The following TBC1D19 variants were observed in gnomAD, a reference collection of about 807,000 sequenced individuals.
The protein encoded by TBC1D19 is TBC1 domain family, member 19.
TBC1D19 carries 60 observed loss-of-function variants against 89.0 expected under a neutral mutation model. The ratio of observed to expected loss-of-function variants is 0.67; its 90% confidence interval spans 0.55 to 0.84. TBC1D19 has a LOEUF of 0.84. Ranked by LOEUF, TBC1D19 falls within the 40% of genes least tolerant of loss-of-function variation. The pLI, the probability that TBC1D19 is intolerant of heterozygous loss-of-function variation, is 0.00. For missense variants in TBC1D19, 500 were observed against 610.8 expected, an observed-to-expected ratio of 0.82 and a Z score of 1.91; for synonymous variants, 189 against 199.7, an observed-to-expected ratio of 0.95 and a Z score of 0.45.
In TBC1D19 at chr4:26,659,670, T is replaced by C. The variant is rs757750941; in HGVS notation, c.554T>C (p.Ile185Thr). 1 of 1,592,714 alleles carries C rather than the reference T, an allele frequency of 6.3e-7. No homozygotes were observed. Among genetic ancestry groups the C allele is most frequent in the Non-Finnish European group, 8.6e-7 (1 of 1,164,878 alleles). The stretch of plus-strand genomic sequence containing the variant: ...AGTTTCAGGACTCATTTGGGTTTAA[T>C]TCAAGTTCCACTGAAAGTAAAAGAC... ...SLSFRTHLGLIQVPLKVKDIP... is the reference protein window; with the variant it reads ...SLSFRTHLGLTQVPLKVKDIP... Residue 185 changes from isoleucine to threonine, a missense_variant, in exon 8 of 21, where the codon ATT becomes ACT. Ile to Thr is a moderately conservative substitution (Grantham distance 89). This residue lies in a region of TBC1D19 where 280 missense variants were observed against 291.7 expected (regional missense o/e 0.96). Transcript: ENST00000264866.
At position 26,659,793 on chromosome 4, in the gene TBC1D19, G is replaced by A. The variant is rs192168669; in HGVS notation, c.591+86G>A. 1,771 of 728,132 alleles carry A rather than the reference G, an allele frequency of 2.4e-3. 4 individuals carry two copies. The highest frequency in any genetic ancestry group is 3.1e-3 in the Non-Finnish European group (1,456 of 466,960). 45.1% of individuals were successfully genotyped at this position (728,132 alleles called of 1,614,324 possible). ...AATACAGCATGTATGTAAAGCAATA[G>A]GGTAATCTACTCATTAAACAAATTA... is the stretch of plus-strand genomic sequence containing the variant. On this transcript the variant is annotated intron_variant, in intron 8 of 20. Transcript: ENST00000264866.
chr4:26,740,083 G>A, intron 17 of TBC1D19, 110 bp downstream of exon 17: 1 of 561,734 alleles, frequency 1.8e-6, no homozygotes, highest in Non-Finnish European at 2.9e-6. Flanking sequence ...ATTTTAATTT[G>A]TGATGTCAAG....
intron 7 of TBC1D19, among the ~76,000 whole-genome samples, chr4:26,656,981 T>TCTCCTTCTC (rs1479076361): frequency 0.028 from 203 of 7,138 alleles, no homozygotes; most frequent in African/African-American, 0.048. Flanking sequence ...TTCTTCTTCT[T>TCTCCTTCTC]CTTCTTCTTC....
At chr4:26,787,914 C>G in the TBC1D19 span, among the ~76,000 whole-genome samples, 1 of 152,168 alleles carries the variant, frequency 6.6e-6, no homozygotes, top group African/African-American at 2.4e-5. Context: ...CCAGCACTCT[C>G]CTCCCTCCCC....
At chr4:26,661,927 AC>A (rs900764227) in intron 8 of TBC1D19, among the ~76,000 whole-genome samples, 4 of 152,188 alleles carry the variant, frequency 2.6e-5, no homozygotes, top group African/African-American at 9.6e-5. Context: ...CTTGTAATGC[AC>A]ATAAGCATAG....
At chr4:26,758,603 A>G (rs991106208), downstream of TBC1D19, among the ~76,000 whole-genome samples, 3 of 152,172 alleles carry the variant, frequency 2.0e-5, no homozygotes, top group Non-Finnish European at 2.9e-5. Flanking sequence ...TTAATCTTTC[A>G]GGGAAGCTGG....
At position 26,637,286 on chromosome 4, in the gene TBC1D19, G is replaced by T; in HGVS notation, c.369+1G>T. 1.2e-6 allele frequency: 2 copies of T among 1,606,058 alleles called. No individual in the cohort carries two copies. The highest frequency in any genetic ancestry group is 2.2e-5 in the East Asian group (1 of 44,506). ...ACTGAGTATCCCACTGGCACGAAAG[G>T]TACTTTTAAACATTTTTCTGTTTAA... On this transcript the variant is annotated splice_donor_variant, in intron 5 of 20. Transcript: ENST00000264866. LOFTEE classifies it high-confidence loss of function.
chr4:26,845,062 T>C, the TBC1D19 span, among the ~76,000 whole-genome samples: 1 of 152,256 alleles, frequency 6.6e-6, no homozygotes, highest in Non-Finnish European at 1.5e-5. Flanking sequence ...TCATACATAG[T>C]GTTTCACCAT....
intron 4 of TBC1D19, among the ~76,000 whole-genome samples, chr4:26,628,364 A>C (rs1335517775): frequency 6.6e-5 from 10 of 152,242 alleles, no homozygotes; most frequent in African/African-American, 2.4e-4. Context: ...TGACTTGGCG[A>C]TGCAGGCTCT....
chr4:26,849,140 CACT>C, the TBC1D19 span, among the ~76,000 whole-genome samples: 3 of 152,018 alleles, frequency 2.0e-5, no homozygotes, highest in Non-Finnish European at 2.9e-5. Context: ...TGTGCCACTG[CACT>C]CCAGCCTGGA....
At chr4:26,582,467 T>C (rs1300442410), upstream of TBC1D19, among the ~76,000 whole-genome samples, 1 of 152,198 alleles carries the variant, frequency 6.6e-6, no homozygotes, top group Non-Finnish European at 1.5e-5. Flanking sequence ...AGCATCTTTA[T>C]CTCTTTGGCA....
intron 7 of TBC1D19, among the ~76,000 whole-genome samples, chr4:26,648,298 A>G (rs977085018): frequency 6.6e-6 from 1 of 152,226 alleles, no homozygotes; most frequent in Non-Finnish European, 1.5e-5. Flanking sequence ...CCAACTGGTT[A>G]TATCAGATGC....
At chr4:26,761,744 A>G in the TBC1D19 span, among the ~76,000 whole-genome samples, 1 of 152,178 alleles carries the variant, frequency 6.6e-6, no homozygotes, top group Non-Finnish European at 1.5e-5. Flanking sequence ...AGCTCACCTA[A>G]TTTTAAAGGA....
At chr4:26,627,414 A>T (rs970961450) in intron 4 of TBC1D19, among the ~76,000 whole-genome samples, 2 of 152,124 alleles carry the variant, frequency 1.3e-5, no homozygotes, top group African/African-American at 4.8e-5. Context: ...CAGTAATGGG[A>T]TGGCTGGGTC....
chr4:26,583,239 T>C (rs1420502064), upstream of TBC1D19, among the ~76,000 whole-genome samples: 1 of 152,176 alleles, frequency 6.6e-6, no homozygotes, highest in African/African-American at 2.4e-5. Context: ...CCTTTGGGGA[T>C]GTCATTCAAT....
chr4:26,805,190 A>T, the TBC1D19 span, among the ~76,000 whole-genome samples: 1 of 152,226 alleles, frequency 6.6e-6, no homozygotes, highest in African/African-American at 2.4e-5. Flanking sequence ...AAAAAAGTCC[A>T]TAAAGGAAGT....
intron 15 of TBC1D19, among the ~76,000 whole-genome samples, chr4:26,733,336 G>A (rs1013336495): frequency 2.0e-5 from 3 of 152,094 alleles, no homozygotes; most frequent in Non-Finnish European, 2.9e-5. Context: ...TAGGCCCTAA[G>A]CTATTTATTA....
chr4:26,745,843 T>C (rs1214346667), intron 18 of TBC1D19, among the ~76,000 whole-genome samples: 1 of 152,004 alleles, frequency 6.6e-6, no homozygotes, highest in Non-Finnish European at 1.5e-5. Context: ...ACATTCTACC[T>C]TCAAATAAAC....
chr4:26,855,875 T>C, the TBC1D19 span, among the ~76,000 whole-genome samples: 7 of 152,254 alleles, frequency 4.6e-5, no homozygotes, highest in African/African-American at 1.7e-4. Flanking sequence ...TTGACAAATA[T>C]TGTGTATATT....
Sources: allele counts gnomAD v4.1 joint callset (sites outside exome capture counted in the v4.1 genomes callset), GRCh38; gene constraint gnomAD v4.1.1; regional missense constraint gnomAD v4.1.1; transcripts MANE v1.5; gene names NCBI Gene and HGNC (gene_info 2026-07-23, HGNC 2026-07-21).